BDNF: variants seen among roughly 807,000 people sequenced by gnomAD.
BDNF encodes the protein brain derived neurotrophic factor, also known as neurotrophic factor BDNF precursor form.
BDNF carries 1 observed loss-of-function variant against 19.5 expected under a neutral mutation model. The observed-to-expected ratio is 0.05, with a 90% confidence interval of 0.02 to 0.24. The LOEUF (loss-of-function observed/expected upper bound fraction) is 0.24, where lower values mean the gene tolerates loss of function less well. BDNF is among the 10% of genes least tolerant of loss of function. The pLI, the probability that BDNF is intolerant of heterozygous loss-of-function variation, is 1.00. For synonymous variants in BDNF, 100 were observed against 121.6 expected (o/e 0.82, Z 1.17); for missense variants, 195 against 317.6 (o/e 0.61, Z 2.93).
At chr11:27,670,830 A>G (rs1408609174) in intron 1 of BDNF, among the ~76,000 whole-genome samples, 1 of 152,222 alleles carries the variant, frequency 6.6e-6, no homozygotes, top group Non-Finnish European at 1.5e-5. Flanking sequence ...TAGTTCAAAC[A>G]TTGTGGAAGA....
rs1350892886 is a variant in BDNF at position 27,659,623 on chromosome 11, T to TCC, written c.-21-1039_-21-1038insGG. On this transcript the variant is annotated intron_variant, in intron 1 of 1. Coordinates refer to ENST00000356660, the MANE Select transcript of BDNF (RefSeq NM_001709.5). ...TCAACTTTTCTTTTTACTAGAGATG[T>TCC]TCTCTCTGTGTGTGTGTGTGTGTGT... The TCC allele has an allele frequency of 1.2e-5, 11 of 930,754 alleles. No homozygotes were observed. In the African/African-American group the frequency reaches 2.6e-4, roughly 22 times the overall value. 57.7% of individuals were successfully genotyped at this position (930,754 alleles called of 1,614,324 possible).
intron 1 of BDNF, chr11:27,674,820 T>G (rs2133919795): frequency 1.1e-6 from 1 of 941,288 alleles, no homozygotes; most frequent in South Asian, 4.9e-5. Flanking sequence ...ACATAGTTGC[T>G]ATAATAAATA....
chr11:27,663,701 A>T (rs1359074862), intron 1 of BDNF, among the ~76,000 whole-genome samples: 1 of 152,180 alleles, frequency 6.6e-6, no homozygotes, highest in African/African-American at 2.4e-5. Flanking sequence ...AGCTTTTACC[A>T]TCAGGATGTG....
chr11:27,718,481 G>C (rs1431674178), intron 1 of BDNF, among the ~76,000 whole-genome samples: 1 of 151,198 alleles, frequency 6.6e-6, no homozygotes, highest in Non-Finnish European at 1.5e-5. Flanking sequence ...GCGCCTTGGA[G>C]TTCCTTTGCA....
At chr11:27,662,282 T>C (rs554707161) in intron 1 of BDNF, among the ~76,000 whole-genome samples, 4 of 152,342 alleles carry the variant, frequency 2.6e-5, no homozygotes, top group Admixed American at 2.0e-4. Flanking sequence ...GAAAGGTAAG[T>C]TCTTTGAGGG....
intron 1 of BDNF, among the ~76,000 whole-genome samples, chr11:27,667,217 T>G (rs938693094): frequency 1.3e-5 from 2 of 152,204 alleles, no homozygotes; most frequent in East Asian, 1.9e-4. Context: ...AAGCAAATGC[T>G]GAGAGATTTT....
intron 1 of BDNF, among the ~76,000 whole-genome samples, chr11:27,719,238 G>A (rs1244510430): frequency 6.6e-6 from 1 of 152,164 alleles, no homozygotes; most frequent in African/African-American, 2.4e-5. Flanking sequence ...CCAGTCCCCT[G>A]CCCACCCGGG....
At chr11:27,674,155 A>G (rs767306218) in intron 1 of BDNF, 3 of 1,611,490 alleles carry the variant, frequency 1.9e-6, no homozygotes, top group South Asian at 2.2e-5. Context: ...CAGTCATGCC[A>G]TACAGAAGCG....
intron 1 of BDNF, among the ~76,000 whole-genome samples, chr11:27,667,100 G>T (rs964367433): frequency 4.6e-4 from 70 of 152,282 alleles, no homozygotes; most frequent in Non-Finnish European, 8.8e-4. Flanking sequence ...AGAAGAGAGT[G>T]GGGGCCAATA....
intron 1 of BDNF, among the ~76,000 whole-genome samples, chr11:27,672,236 GGACATCTA>G (rs1190297599): frequency 3.4e-5 from 5 of 148,366 alleles, no homozygotes; most frequent in Non-Finnish European, 7.5e-5. Flanking sequence ...ACCTAAATCT[GGACATCTA>G]CACAATCATT....
At chr11:27,691,551 T>G (rs1858294151) in intron 1 of BDNF, among the ~76,000 whole-genome samples, 1 of 152,174 alleles carries the variant, frequency 6.6e-6, no homozygotes, top group African/African-American at 2.4e-5. Context: ...CTAAAGGAGA[T>G]GTAAATATTA....
chr11:27,671,977 T>G (rs1855456812), intron 1 of BDNF, among the ~76,000 whole-genome samples: 1 of 152,232 alleles, frequency 6.6e-6, no homozygotes, highest in South Asian at 2.1e-4. Context: ...TGATACTTTC[T>G]TAGCGTGTCA....
upstream of BDNF, among the ~76,000 whole-genome samples, chr11:27,703,637 C>G (rs1859998507): frequency 6.6e-6 from 1 of 152,156 alleles, no homozygotes; most frequent in Admixed American, 6.5e-5. Flanking sequence ...TCCTACTCTC[C>G]CTTGACATTA....
At chr11:27,679,450 G>A (rs189823804) in intron 1 of BDNF, among the ~76,000 whole-genome samples, 4 of 152,312 alleles carry the variant, frequency 2.6e-5, no homozygotes, top group African/African-American at 7.2e-5. Context: ...GAGTTTGGAT[G>A]TACTTTGCTT....
At chr11:27,677,872 A>T (rs1037762690) in intron 1 of BDNF, 1 of 152,192 alleles carries the variant, frequency 6.6e-6, no homozygotes, top group African/African-American at 2.4e-5. Flanking sequence ...CACCAAAAAC[A>T]GAGATTTACA....
chr11:27,691,092 C>T (rs1395490506), intron 1 of BDNF: 14 of 152,136 alleles, frequency 9.2e-5, no homozygotes, highest in Admixed American at 9.2e-4. Flanking sequence ...CACAAACTGA[C>T]ACCTGAAAAT....
At chr11:27,682,072 T>G (rs1265823747) in intron 1 of BDNF, among the ~76,000 whole-genome samples, 2 of 152,268 alleles carry the variant, frequency 1.3e-5, no homozygotes, top group South Asian at 2.1e-4. Flanking sequence ...GAATTTCTGA[T>G]TATTTACAAG....
At chr11:27,720,952 C>G (rs1303282459) in intron 1 of BDNF, among the ~76,000 whole-genome samples, 1 of 147,954 alleles carries the variant, frequency 6.8e-6, no homozygotes, top group African/African-American at 2.5e-5. Flanking sequence ...CAACCCCACC[C>G]CCCATCTACA....
Position 27,658,591 on chromosome 11 carries a change from G to A in BDNF, c.-21-6C>T, listed in dbSNP as rs2133785541. Reference sequence around the variant, plus strand: ...ACTCTTCTCACCTGGTGGAACTGTAGGGAGAAAGCAGAAACAAGACAGAAA... The same window carrying A: ...ACTCTTCTCACCTGGTGGAACTGTAAGGAGAAAGCAGAAACAAGACAGAAA... On this transcript the variant is annotated splice_region_variant and splice_polypyrimidine_tract_variant and intron_variant, in intron 1 of 1. Transcript: ENST00000356660. The surrounding 1 kb of genome is among the most constrained non-coding windows in gnomAD (Gnocchi z 5.7). 6.2e-7 allele frequency: 1 copy of A among 1,614,202 alleles called. No homozygotes were observed. Among genetic ancestry groups the A allele is most frequent in the Non-Finnish European group, 8.5e-7 (1 of 1,180,042 alleles).
Sources: gnomAD v4.1 joint callset for allele counts (sites outside exome capture counted in the v4.1 genomes callset) on GRCh38, gnomAD v4.1.1 for gene constraint, Gnocchi (gnomAD v3.1) non-coding constraint, MANE v1.5 for transcripts, NCBI Gene and HGNC (gene_info 2026-07-23, HGNC 2026-07-21) for gene names.